Variants in ATP8A1 observed in about 807,000 individuals in gnomAD.
The protein encoded by ATP8A1 is phospholipid-transporting ATPase IA.
In ATP8A1, 90 loss-of-function variants were observed where a neutral mutation model predicts 177.7. The ratio of observed to expected loss-of-function variants is 0.51; its 90% CI spans 0.43 to 0.60. ATP8A1 has a LOEUF of 0.60. Among genes scored for constraint, ATP8A1 ranks in the 20% least tolerant of loss-of-function variants. The pLI is 0.00. For missense variants in ATP8A1, 1,072 were observed against 1,392.8 expected (o/e 0.77, Z 3.67); for synonymous variants, 493 against 485.9 (o/e 1.01, Z -0.19).
chr4:42,496,361 C>T (rs1723273033), intron 24 of ATP8A1, among the ~76,000 whole-genome samples: 1 of 152,162 alleles, frequency 6.6e-6, no homozygotes, highest in East Asian at 1.9e-4. Flanking sequence ...CACTGAAAGC[C>T]TCCTAAACAC....
intron 1 of ATP8A1, among the ~76,000 whole-genome samples, chr4:42,651,977 C>T (rs1472391931): frequency 6.6e-6 from 1 of 152,206 alleles, no homozygotes. Flanking sequence ...AATAAAGAGA[C>T]CTAAAATTCT....
At position 42,551,373 on chromosome 4, in the gene ATP8A1, TTTAA is replaced by T. The variant is rs140647475; in HGVS notation, c.1520-97_1520-94del. On this transcript the variant is annotated intron_variant, in intron 17 of 36. Coordinates refer to ENST00000381668, the MANE Select transcript of ATP8A1 (RefSeq NM_006095.2). The stretch of plus-strand genomic sequence containing the variant: ...TACATTAAGGTAATATAATTTTCTG[TTTAA>T]TTAAAGTTCTTTTTATTCTGGCTCA... 1,662 of 870,536 alleles carry T rather than the reference TTTAA, an allele frequency of 1.9e-3. 26 individuals are homozygous for T. The African/African-American group carries it at 0.023, about 12-fold the overall frequency. The allele number at this position is 870,536 out of a possible 1,614,324, so 53.9% of individuals were successfully genotyped here.
At chr4:42,450,278 G>A (rs1717790687) in intron 30 of ATP8A1, among the ~76,000 whole-genome samples, 1 of 152,164 alleles carries the variant, frequency 6.6e-6, no homozygotes, top group African/African-American at 2.4e-5. Context: ...AATCCATAGA[G>A]ATAAAAAAAA....
At chr4:42,498,425 T>A (rs1357782033) in intron 24 of ATP8A1, among the ~76,000 whole-genome samples, 1 of 152,194 alleles carries the variant, frequency 6.6e-6, no homozygotes, top group Non-Finnish European at 1.5e-5. Flanking sequence ...AGTTAGCAAT[T>A]CCATGAAGGG....
intron 25 of ATP8A1, among the ~76,000 whole-genome samples, chr4:42,466,821 T>C (rs1305846972): frequency 6.6e-6 from 1 of 152,238 alleles, no homozygotes; most frequent in Non-Finnish European, 1.5e-5. Context: ...ACCAGGCTAA[T>C]ATAAACTGGT....
chr4:42,651,545 T>C (rs866675218), intron 1 of ATP8A1, among the ~76,000 whole-genome samples: 7 of 152,220 alleles, frequency 4.6e-5, no homozygotes, highest in Non-Finnish European at 2.9e-5. Context: ...TACACCCTTT[T>C]CCGTTTGTAA....
At chr4:42,483,023 G>T (rs1485023632) in intron 25 of ATP8A1, among the ~76,000 whole-genome samples, 1 of 152,178 alleles carries the variant, frequency 6.6e-6, no homozygotes, top group African/African-American at 2.4e-5. Flanking sequence ...ATTTCCTGAG[G>T]CCGGGAGATT....
chr4:42,460,035 C>G (rs1046674440), intron 27 of ATP8A1, among the ~76,000 whole-genome samples: 2 of 152,266 alleles, frequency 1.3e-5, no homozygotes, highest in Admixed American at 1.3e-4. Flanking sequence ...TCGTGATCCA[C>G]CCCCCTCGGC....
chr4:42,557,334 A>G (rs1730343533), intron 15 of ATP8A1, among the ~76,000 whole-genome samples: 1 of 152,224 alleles, frequency 6.6e-6, no homozygotes, highest in South Asian at 2.1e-4. Context: ...TCCTCCAAAT[A>G]TCACCATTAA....
Position 42,455,470 on chromosome 4 carries a change from C to T in ATP8A1, c.2695-51G>A, listed in dbSNP as rs371776232. The T allele has an allele frequency of 1.8e-5, 29 of 1,613,502 alleles. No individual in the cohort carries two copies. In the South Asian group the frequency reaches 3.2e-4, roughly 18 times the overall value. The stretch of plus-strand genomic sequence containing the variant: ...GTCAAGCAGCCAAATGCAGGGTGAA[C>T]CTTTATCTCCCAAGTATTCAATGAA... On this transcript the variant is annotated intron_variant, in intron 28 of 36. Transcript: ENST00000381668.
intron 5 of ATP8A1, among the ~76,000 whole-genome samples, chr4:42,604,381 C>T (rs1482645056): frequency 6.6e-6 from 1 of 152,084 alleles, no homozygotes; most frequent in Non-Finnish European, 1.5e-5. Context: ...GAGAAACCTT[C>T]CCTATTATAC....
chr4:42,466,749 T>C (rs921949029), intron 25 of ATP8A1, among the ~76,000 whole-genome samples: 18 of 152,256 alleles, frequency 1.2e-4, no homozygotes, highest in African/African-American at 3.4e-4. Flanking sequence ...TATTTCACTG[T>C]TAGCTTGATT....
intron 22 of ATP8A1, among the ~76,000 whole-genome samples, chr4:42,514,790 T>A (rs1440890468): frequency 6.6e-6 from 1 of 152,066 alleles, no homozygotes; most frequent in Admixed American, 6.5e-5. Flanking sequence ...TGGATATGGG[T>A]CCCTGAGCAA....
intron 15 of ATP8A1, among the ~76,000 whole-genome samples, chr4:42,568,302 G>A (rs924023866): frequency 6.6e-6 from 1 of 152,078 alleles, no homozygotes. Context: ...TTTAAATGAT[G>A]TTATTCGACT....
At chr4:42,551,799 C>T (rs1167956035) in intron 17 of ATP8A1, among the ~76,000 whole-genome samples, 1 of 152,134 alleles carries the variant, frequency 6.6e-6, no homozygotes, top group Non-Finnish European at 1.5e-5. Context: ...GAAAACATCA[C>T]ATAGTTTCTA....
At chr4:42,639,638 T>C (rs547880498) in intron 1 of ATP8A1, among the ~76,000 whole-genome samples, 1 of 152,340 alleles carries the variant, frequency 6.6e-6, no homozygotes, top group South Asian at 2.1e-4. Context: ...AATACATATA[T>C]GTATGTGTAG....
At chr4:42,609,606 G>A (rs1577695440) in intron 5 of ATP8A1, among the ~76,000 whole-genome samples, 1 of 152,158 alleles carries the variant, frequency 6.6e-6, no homozygotes, top group Non-Finnish European at 1.5e-5. Flanking sequence ...TCTTTTAAAT[G>A]CTGGATTTAG....
chr4:42,579,573 A>G (rs1043033045), intron 11 of ATP8A1, among the ~76,000 whole-genome samples: 1 of 151,898 alleles, frequency 6.6e-6, no homozygotes, highest in Non-Finnish European at 1.5e-5. Context: ...GACTATACTT[A>G]GTGAACATTT....
At chr4:42,485,301 G>A (rs1722079421) in intron 25 of ATP8A1, among the ~76,000 whole-genome samples, 195 bp downstream of exon 25, 1 of 152,174 alleles carries the variant, frequency 6.6e-6, no homozygotes, top group South Asian at 2.1e-4. Flanking sequence ...AAAAATACTT[G>A]TTAATGATTG....
Sources: allele counts gnomAD v4.1 joint callset (sites outside exome capture counted in the v4.1 genomes callset), GRCh38; gene constraint gnomAD v4.1.1; transcripts MANE v1.5; gene names NCBI Gene and HGNC (gene_info 2026-07-23, HGNC 2026-07-21).